FAM135A: variants seen among roughly 807,000 people sequenced by gnomAD.
The protein encoded by FAM135A is protein FAM135A.
FAM135A carries 79 observed loss-of-function variants against 146.8 expected under a neutral mutation model. That is an observed-to-expected ratio of 0.54 (90% CI 0.45 to 0.65). The LOEUF is 0.65. Among genes scored for constraint, FAM135A ranks in the 30% least tolerant of loss-of-function variants. The pLI, the probability that FAM135A is intolerant of heterozygous loss-of-function variation, is 0.00. For missense variants in FAM135A, 1,623 were observed against 1,758.2 expected, an observed-to-expected ratio of 0.92 and a Z score of 1.38; for synonymous variants, 562 against 603.6, an observed-to-expected ratio of 0.93 and a Z score of 1.01.
At chr6:70,455,837 A>G (rs1778248155) in intron 5 of FAM135A, among the ~76,000 whole-genome samples, 1 of 152,204 alleles carries the variant, frequency 6.6e-6, no homozygotes, top group Admixed American at 6.5e-5. Flanking sequence ...GAGAGAAATA[A>G]TGTCAAACCT....
rs1789177040 is a variant in FAM135A at position 70,504,077 on chromosome 6, T to C, written c.1029+1286T>C. ...GCTAATGTGACAGTTTTCAGAGTTG[T>C]ACCAATTTTTACTCCCACCAGCACA... On this transcript the variant is annotated intron_variant, in intron 12 of 21. Coordinates refer to ENST00000418814, the MANE Select transcript of FAM135A (RefSeq NM_001162529.3). 2.6e-5 allele frequency: 4 copies of C among 152,328 alleles called. No individual in the cohort carries two copies. In the South Asian group the frequency reaches 6.2e-4, roughly 24 times the overall value. The allele number at this position is 152,328 out of a possible 1,614,324, so 9.4% of individuals were successfully genotyped here.
intron 12 of FAM135A, among the ~76,000 whole-genome samples, chr6:70,511,929 A>G (rs1039553320): frequency 6.6e-6 from 1 of 151,928 alleles, no homozygotes; most frequent in Non-Finnish European, 1.5e-5. Flanking sequence ...AAGGTACAGT[A>G]AAAATATGGC....
At chr6:70,421,072 C>T (rs1409082915) in intron 2 of FAM135A, among the ~76,000 whole-genome samples, 2 of 151,878 alleles carry the variant, frequency 1.3e-5, no homozygotes, top group African/African-American at 2.4e-5. Flanking sequence ...TATAGAGACA[C>T]GGTTTTGCCA....
At chr6:70,551,857 A>G (rs544848617) in intron 20 of FAM135A, among the ~76,000 whole-genome samples, 1 of 152,322 alleles carries the variant, frequency 6.6e-6, no homozygotes, top group South Asian at 2.1e-4. Context: ...TAGTAACATC[A>G]AAGATCACTG....
At chr6:70,444,643 A>C (rs1175188791) in intron 4 of FAM135A, among the ~76,000 whole-genome samples, 5 of 152,200 alleles carry the variant, frequency 3.3e-5, no homozygotes, top group Admixed American at 3.3e-4. Flanking sequence ...ATTTTAATTA[A>C]AAATGTATTT....
intron 12 of FAM135A, among the ~76,000 whole-genome samples, chr6:70,520,367 GATATTAGATAAT>G (rs1793294278): frequency 6.6e-6 from 1 of 152,066 alleles, no homozygotes; most frequent in Non-Finnish European, 1.5e-5. Flanking sequence ...AGGTAGCATA[GATATTAGATAAT>G]CTATCAGATA....
chr6:70,470,484 G>C (rs2128134928), intron 5 of FAM135A, among the ~76,000 whole-genome samples: 1 of 152,222 alleles, frequency 6.6e-6, no homozygotes, highest in Non-Finnish European at 1.5e-5. Flanking sequence ...AGCCTCCTAA[G>C]TAGCTGGGAT....
At chr6:70,502,584 A>G (rs1788802286) in intron 11 of FAM135A, 52 bp from the exon 12 acceptor site, 11 of 1,531,600 alleles carry the variant, frequency 7.2e-6, no homozygotes, top group South Asian at 1.2e-5. Context: ...ATATTTAAGT[A>G]TGTTACATTA....
At chr6:70,451,232 A>G (rs1777027340) in intron 4 of FAM135A, among the ~76,000 whole-genome samples, 1 of 152,218 alleles carries the variant, frequency 6.6e-6, no homozygotes, top group Non-Finnish European at 1.5e-5. Context: ...AGGATTGTGA[A>G]TGTACGCTAT....
intron 4 of FAM135A, among the ~76,000 whole-genome samples, chr6:70,449,834 C>G (rs913174236): frequency 6.6e-6 from 1 of 152,166 alleles, no homozygotes; most frequent in African/African-American, 2.4e-5. Context: ...TGAGGAACCT[C>G]TATAATGTTT....
chr6:70,450,504 C>G (rs1582197146), intron 4 of FAM135A, among the ~76,000 whole-genome samples: 1 of 151,998 alleles, frequency 6.6e-6, no homozygotes, highest in Non-Finnish European at 1.5e-5. Flanking sequence ...GTTTTCCCCA[C>G]ACCATTTATT....
intron 5 of FAM135A, among the ~76,000 whole-genome samples, chr6:70,467,879 C>T (rs1018634498): frequency 1.3e-5 from 2 of 151,862 alleles, no homozygotes; most frequent in Non-Finnish European, 2.9e-5. Context: ...AAAAATTTTT[C>T]GTATGTTACT....
At chr6:70,524,295 T>G (rs761336009) in intron 14 of FAM135A, 48 bp from the exon 15 acceptor site, 112 of 1,447,502 alleles carry the variant, frequency 7.7e-5, no homozygotes, top group Non-Finnish European at 1.7e-5. Context: ...ATCATATGAG[T>G]TCTCACACCT....
intron 20 of FAM135A, among the ~76,000 whole-genome samples, chr6:70,547,708 A>G (rs1392948688): frequency 1.3e-5 from 2 of 152,220 alleles, no homozygotes; most frequent in Non-Finnish European, 2.9e-5. Flanking sequence ...ATGAGTAGCC[A>G]GAAGAATTGG....
chr6:70,460,851 T>TTTTTTTTTC (rs1426036523), intron 5 of FAM135A, among the ~76,000 whole-genome samples: 9 of 144,852 alleles, frequency 6.2e-5, no homozygotes, highest in Middle Eastern at 3.4e-3. Context: ...TAGCTATCTT[T>TTTTTTTTTC]TTTTTTTTTT....
chr6:70,481,015 G>C lies in FAM135A; in HGVS notation c.657G>C (p.Gln219His), dbSNP rs1221816144. The change falls in exon 9 of 22, where the codon CAG (glutamine) becomes CAC (histidine). Residue 219 changes from glutamine to histidine, a missense_variant. Transcript: ENST00000418814. Reference sequence around the variant, plus strand: ...TCTTTGGTATTAACTACACAAAACAGTTATCACCAGATGTAAGAACTGAAT... The same window carrying C: ...TCTTTGGTATTAACTACACAAAACACTTATCACCAGATGTAAGAACTGAAT... ...SVVFGINYTK[Q>H]LSPDGCSFII... The C allele has an allele frequency of 6.2e-7, 1 of 1,600,510 alleles. No individual in the cohort carries two copies. The highest frequency in any genetic ancestry group is 1.3e-5 in the African/African-American group (1 of 74,330).
At chr6:70,441,334 G>A (rs1774421732) in intron 4 of FAM135A, among the ~76,000 whole-genome samples, 1 of 152,134 alleles carries the variant, frequency 6.6e-6, no homozygotes. Context: ...GTTGCTGTAA[G>A]CTGAGATGGC....
chr6:70,528,391 A>G lies in FAM135A; in HGVS notation c.3714A>G (p.Val1238=), dbSNP rs138994005. ...CATCCTCAGTACCTTATTTTAGTGT[A>G]GAAGAAGAGGATGGTTCTGAAGATG... The part of the protein sequence containing the change: ...LLASSVPYFS[V]EEEDGSEDGV... The change falls in exon 16 of 22, where the codon GTA becomes GTG. Residue 1238 remains valine, a synonymous_variant. Transcript: ENST00000418814. The G allele has an allele frequency of 6.0e-5, 97 of 1,613,566 alleles. No homozygotes were observed. The highest frequency in any genetic ancestry group is 3.3e-4 in the Middle Eastern group (2 of 6,078).
At chr6:70,448,631 G>A (rs1447878611) in intron 4 of FAM135A, among the ~76,000 whole-genome samples, 2 of 152,090 alleles carry the variant, frequency 1.3e-5, no homozygotes, top group African/African-American at 2.4e-5. Context: ...GTGTGGAGTG[G>A]GAAATCAGGA....
Sources: allele counts gnomAD v4.1 joint callset (sites outside exome capture counted in the v4.1 genomes callset), GRCh38; gene constraint gnomAD v4.1.1; transcripts MANE v1.5; gene names NCBI Gene and HGNC (gene_info 2026-07-23, HGNC 2026-07-21).